CFAP99: variants seen among roughly 807,000 people sequenced by gnomAD.
CFAP99 encodes cilia and flagella associated protein 99, also known as cilia- and flagella-associated protein 99.
CFAP99 carries 84 observed loss-of-function variants against 82.7 expected under a neutral mutation model. The observed-to-expected ratio is 1.02, with a 90% confidence interval of 0.85 to 1.22. CFAP99 has a LOEUF of 1.22. Ranked by LOEUF, CFAP99 falls within the 50% of genes most tolerant of loss-of-function variation. The pLI, the probability that CFAP99 is intolerant of heterozygous loss-of-function variation, is 0.00. For synonymous variants in CFAP99, 456 were observed against 429.5 expected (o/e 1.06, Z -0.76); for missense variants, 1,059 against 983.5 (o/e 1.08, Z -1.03).
chr4:2,433,118 CCTCA>C (rs140598008), intron 2 of CFAP99, among the ~76,000 whole-genome samples: 6,709 of 152,256 alleles, frequency 0.044, 510 homozygotes, highest in African/African-American at 0.15. Flanking sequence ...TTTACTGGCT[CCTCA>C]CTCAGCTCTG....
rs1252127137 is a variant in CFAP99 at position 2,448,765 on chromosome 4, G to C, written c.643-905G>C. Among the ~76,000 whole-genome samples, 1 of 152,236 alleles carries C rather than the reference G, an allele frequency of 6.6e-6. No individual in the cohort carries two copies. The highest frequency in any genetic ancestry group is 1.5e-5 in the Non-Finnish European group (1 of 68,036). On this transcript the variant is annotated intron_variant, in intron 6 of 14. Transcript: ENST00000635017. This position sits in a 1 kb window ranked among gnomAD's most constrained non-coding sequence, Gnocchi z 5.2. ...AGGGAAGAGGGAAGGCGGGGTACCGGTCTGGTCACACATCCACTGGAGGGA... is the reference window on the plus strand; with the variant it reads ...AGGGAAGAGGGAAGGCGGGGTACCGCTCTGGTCACACATCCACTGGAGGGA...
Position 2,462,734 on chromosome 4 carries a change from C to T in CFAP99, c.1953C>T (p.Ala651=). The stretch of plus-strand genomic sequence containing the variant: ...GGGGAGATCGGGTCCGGTCCGCGGC[C>T]GGGAGATACGCAGCGGCGGGCGCGG... Residue 651 remains alanine, a synonymous_variant, in exon 15 of 15, where the codon GCC becomes GCT. Coordinates refer to ENST00000635017, the Ensembl canonical transcript of CFAP99. This position sits in a 1 kb window ranked among gnomAD's most constrained non-coding sequence, Gnocchi z 4.1. The T allele has an allele frequency of 8.1e-7, 1 of 1,238,572 alleles. No homozygotes were observed. Among genetic ancestry groups the T allele is most frequent in the South Asian group, 2.9e-5 (1 of 34,486 alleles). 76.7% of individuals were successfully genotyped at this position (1,238,572 alleles called of 1,614,324 possible). A position where few individuals can be genotyped will look rare whatever the true frequency, so the allele number is the denominator to read the frequency against.
intron 10 of CFAP99, 43 bp downstream of exon 10, chr4:2,451,395 C>T (rs1371937233): frequency 9.9e-6 from 15 of 1,521,154 alleles, no homozygotes; most frequent in African/African-American, 5.5e-5. Flanking sequence ...CACGGCATCA[C>T]CCTTGAGAGG....
chr4:2,422,135 C>G (rs993806690), intron 1 of CFAP99, among the ~76,000 whole-genome samples: 1 of 152,196 alleles, frequency 6.6e-6, no homozygotes, highest in Non-Finnish European at 1.5e-5. Flanking sequence ...ATTTTAGTAC[C>G]TATTTCCTCC....
chr4:2,462,904 C>T lies in CFAP99; in HGVS notation c.2123C>T (p.Ala708Val), dbSNP rs1329817236. 2 of 1,315,940 alleles carry T rather than the reference C, an allele frequency of 1.5e-6. No individual in the cohort carries two copies. Among genetic ancestry groups the T allele is most frequent in the Non-Finnish European group, 1.9e-6 (2 of 1,039,196 alleles). 81.5% of individuals were successfully genotyped at this position (1,315,940 alleles called of 1,614,324 possible). A position where few individuals can be genotyped will look rare whatever the true frequency, so the allele number is the denominator to read the frequency against. The stretch of plus-strand genomic sequence containing the variant: ...CAGGGAGGCTCAGGACCCGGGCCCG[C>T]GCGCCGCCTGGAGGCCGCCTGAGCC... The change falls in exon 15 of 15, where the codon GCG becomes GTG. Residue 708 changes from alanine (A) to valine (V), a missense_variant. Coordinates refer to ENST00000635017, the Ensembl canonical transcript of CFAP99. This position sits in a 1 kb window ranked among gnomAD's most constrained non-coding sequence, Gnocchi z 4.1.
chr4:2,460,816 C>T (rs1419780461), intron 14 of CFAP99, among the ~76,000 whole-genome samples: 1 of 152,198 alleles, frequency 6.6e-6, no homozygotes, highest in Non-Finnish European at 1.5e-5. Context: ...GTGGCGCAAT[C>T]TCAGCTCACT....
intron 2 of CFAP99, chr4:2,427,474 A>C (rs6841989): frequency 0.33 from 50,467 of 152,414 alleles, 8,978 homozygotes; most frequent in East Asian, 0.53. Context: ...GCCATCACCA[A>C]CCCATCATTG....
chr4:2,461,057 G>T (rs1734610449), intron 14 of CFAP99, among the ~76,000 whole-genome samples: 1 of 152,212 alleles, frequency 6.6e-6, no homozygotes, highest in Non-Finnish European at 1.5e-5. Flanking sequence ...GACTGTTGCT[G>T]TAACTTTTTT....
chr4:2,438,362 A>AT (rs1324643911), intron 4 of CFAP99, among the ~76,000 whole-genome samples, 198 bp downstream of exon 4: 1 of 152,164 alleles, frequency 6.6e-6, no homozygotes, highest in African/African-American at 2.4e-5. Flanking sequence ...TCCCGGGTTC[A>AT]TACCATTCTC....
At chr4:2,458,802 T>G (rs1237759634) in exon 12 of CFAP99, 1 of 1,535,634 alleles carries the variant, frequency 6.5e-7, no homozygotes, top group Non-Finnish European at 8.7e-7. Flanking sequence ...GAGCAGGTGA[T>G]AGAGGGGCAG....
rs531350508 is a variant in CFAP99, at chr4:2,460,623, G to A, written c.1661+381G>A. On this transcript the variant is annotated intron_variant, in intron 14 of 14. Coordinates refer to ENST00000635017, the Ensembl canonical transcript of CFAP99. ...CATACATCTTCTAAAAAAATAGATCGTCCTACATAAACCACAGCACCCTGA... is the reference window on the plus strand; with the variant it reads ...CATACATCTTCTAAAAAAATAGATCATCCTACATAAACCACAGCACCCTGA... Among the ~76,000 whole-genome samples the A allele has an allele frequency of 3.0e-4, 46 of 152,288 alleles. No homozygotes were observed. In the South Asian group the frequency reaches 6.6e-3, roughly 22 times the overall value.
intron 13 of CFAP99, 127 bp from the exon 14 acceptor site, chr4:2,459,910 A>G: frequency 1.3e-6 from 1 of 798,298 alleles, no homozygotes; most frequent in East Asian, 2.7e-5. Flanking sequence ...GGCATGTTTC[A>G]TAAGCAGTGT....
intron 11 of CFAP99, among the ~76,000 whole-genome samples, chr4:2,457,859 A>C (rs959807765): frequency 1.3e-5 from 2 of 152,166 alleles, no homozygotes; most frequent in African/African-American, 4.8e-5. Context: ...CACCCAGTGC[A>C]CCTGAGGAGG....
At position 2,462,868 on chromosome 4, in the gene CFAP99, A is replaced by G; in HGVS notation, c.2087A>G (p.Gln696Arg). The G allele has an allele frequency of 2.2e-6, 3 of 1,390,496 alleles. No individual in the cohort carries two copies. Among genetic ancestry groups the G allele is most frequent in the Admixed American group, 2.9e-5 (1 of 34,842 alleles). The allele number at this position is 1,390,496 out of a possible 1,614,324, so 86.1% of individuals were successfully genotyped here. A position where few individuals can be genotyped will look rare whatever the true frequency, so the allele number is the denominator to read the frequency against. Reference sequence around the variant, plus strand: ...GAGCGGAGCCGCGAGCGCAGGCTGCAGGCGCTGCAGCAGGGAGGCTCAGGA... The same window carrying G: ...GAGCGGAGCCGCGAGCGCAGGCTGCGGGCGCTGCAGCAGGGAGGCTCAGGA... Residue 696 changes from glutamine (Q) to arginine (R), a missense_variant, in exon 15 of 15, where the codon CAG (glutamine) becomes CGG (arginine). By Grantham distance (43) the Gln-to-Arg change is conservative. Coordinates refer to ENST00000635017, the Ensembl canonical transcript of CFAP99. The surrounding 1 kb of genome is among the most constrained non-coding windows in gnomAD (Gnocchi z 4.1).
chr4:2,429,320 C>T (rs1733751034), intron 2 of CFAP99: 1 of 152,216 alleles, frequency 6.6e-6, no homozygotes, highest in Non-Finnish European at 1.5e-5. Context: ...GAGTTTGTTA[C>T]AACAAATAGT....
At chr4:2,435,350 TG>T (rs1292622148) in intron 2 of CFAP99, among the ~76,000 whole-genome samples, 1 of 151,074 alleles carries the variant, frequency 6.6e-6, no homozygotes, top group East Asian at 1.9e-4. Context: ...AAGACAGATT[TG>T]ATCTAAAATA....
exon 3 of CFAP99, chr4:2,436,993 G>A (rs1472202763): frequency 2.0e-6 from 3 of 1,536,094 alleles, no homozygotes; most frequent in Non-Finnish European, 1.7e-6. Context: ...GACTCTGCCT[G>A]CGGGTTGACC....
Position 2,452,373 on chromosome 4 carries a change from A to T in CFAP99, c.1161+27A>T, listed in dbSNP as rs539376805. 1.5e-5 allele frequency: 23 copies of T among 1,528,960 alleles called. No individual in the cohort carries two copies. In the African/African-American group the frequency reaches 3.0e-4, roughly 20 times the overall value. The allele number at this position is 1,528,960 out of a possible 1,614,324, so 94.7% of individuals were successfully genotyped here. On this transcript the variant is annotated intron_variant, in intron 11 of 14. Transcript: ENST00000635017. ...TGGGTGCCATGCAGGGCAGCTGGGCATGGGGCAGCCAGCTGAACTGTGTGC... is the reference window on the plus strand; with the variant it reads ...TGGGTGCCATGCAGGGCAGCTGGGCTTGGGGCAGCCAGCTGAACTGTGTGC...
intron 1 of CFAP99, among the ~76,000 whole-genome samples, chr4:2,422,906 A>G (rs977107044): frequency 1.3e-5 from 2 of 152,142 alleles, no homozygotes; most frequent in Non-Finnish European, 2.9e-5. Flanking sequence ...TCCTGGGCTC[A>G]AGGGATCCTC....
Sources: gnomAD v4.1 joint callset for allele counts (sites outside exome capture counted in the v4.1 genomes callset) on GRCh38, gnomAD v4.1.1 for gene constraint, Gnocchi (gnomAD v3.1) non-coding constraint, MANE v1.5 for transcripts, NCBI Gene and HGNC (gene_info 2026-07-23, HGNC 2026-07-21) for gene names.